DIAPH3: variants seen among roughly 807,000 people sequenced by gnomAD.
DIAPH3 encodes the protein protein diaphanous homolog 3.
In DIAPH3, 117 loss-of-function variants were observed where a neutral mutation model predicts 144.3. That is an observed-to-expected ratio of 0.81 (90% CI 0.70 to 0.95). DIAPH3 has a LOEUF of 0.95. Among genes scored for constraint, DIAPH3 ranks in the 40% least tolerant of loss-of-function variants. DIAPH3 has a pLI of 0.00. For missense variants in DIAPH3, 1,421 were observed against 1,412.7 expected (o/e 1.01, Z -0.09); for synonymous variants, 519 against 488.9 (o/e 1.06, Z -0.81).
chr13:59,948,904 GGA>G (rs1472459658), intron 17 of DIAPH3, among the ~76,000 whole-genome samples: 4 of 137,636 alleles, frequency 2.9e-5, no homozygotes, highest in Non-Finnish European at 6.3e-5. Flanking sequence ...AAGGAAGGAA[GGA>G]AACTTCAACA....
chr13:60,147,499 T>C (rs1386162237), intron 1 of DIAPH3, among the ~76,000 whole-genome samples: 2 of 152,176 alleles, frequency 1.3e-5, no homozygotes, highest in Non-Finnish European at 2.9e-5. Context: ...ATTAGTGCTA[T>C]AACTGACACT....
intron 27 of DIAPH3, among the ~76,000 whole-genome samples, chr13:59,766,179 C>T (rs922808477): frequency 6.6e-6 from 1 of 152,196 alleles, no homozygotes; most frequent in African/African-American, 2.4e-5. Flanking sequence ...GTGGTGATTA[C>T]TTTTTAGAAC....
intron 14 of DIAPH3, among the ~76,000 whole-genome samples, chr13:59,979,331 A>C (rs2050853586): frequency 6.6e-6 from 1 of 151,668 alleles, no homozygotes; most frequent in South Asian, 2.1e-4. Flanking sequence ...CAAATCAAGT[A>C]CTTGAAAGTC....
rs780178528 is a variant in DIAPH3 at position 59,983,729 on chromosome 13, G to C, written c.1480+40C>G. The stretch of plus-strand genomic sequence containing the variant: ...GCCCTAGAGCTCATTCATAGAATAA[G>C]AGACAATAAGATATTTCTATTTAAA... On this transcript the variant is annotated intron_variant, in intron 13 of 27. Coordinates refer to ENST00000400324, the MANE Select transcript of DIAPH3 (RefSeq NM_001042517.2). 3.0e-6 allele frequency: 4 copies of C among 1,349,184 alleles called. No individual in the cohort carries two copies. The African/African-American group carries it at 5.8e-5, about 20-fold the overall frequency. The allele number at this position is 1,349,184 out of a possible 1,614,324, so 83.6% of individuals were successfully genotyped here. A position where few individuals can be genotyped will look rare whatever the true frequency, so the allele number is the denominator to read the frequency against.
intron 21 of DIAPH3, among the ~76,000 whole-genome samples, chr13:59,877,607 G>A (rs918552607): frequency 2.0e-5 from 3 of 152,232 alleles, no homozygotes; most frequent in South Asian, 2.1e-4. Context: ...GTACTAAACA[G>A]TGCAGCTTAA....
At chr13:59,942,579 G>A (rs2048589422) in intron 17 of DIAPH3, among the ~76,000 whole-genome samples, 1 of 152,030 alleles carries the variant, frequency 6.6e-6, no homozygotes, top group Non-Finnish European at 1.5e-5. Flanking sequence ...TTTTTAAAAA[G>A]TAAAGTTTCC....
At chr13:59,933,837 TATTTTCA>T (rs1049197000) in intron 17 of DIAPH3, among the ~76,000 whole-genome samples, 1 of 152,222 alleles carries the variant, frequency 6.6e-6, no homozygotes, top group African/African-American at 2.4e-5. Flanking sequence ...ATTCTTTTTC[TATTTTCA>T]AAGTTTCAAA....
At chr13:60,163,500 G>A in intron 1 of DIAPH3, 87 bp downstream of exon 1, 8 of 1,551,030 alleles carry the variant, frequency 5.2e-6, no homozygotes, top group Non-Finnish European at 7.0e-6. Flanking sequence ...ATAAAACTTG[G>A]TCCCCAAGTT....
chr13:60,101,412 A>C (rs933374391), intron 3 of DIAPH3, among the ~76,000 whole-genome samples: 3 of 152,094 alleles, frequency 2.0e-5, no homozygotes, highest in African/African-American at 7.2e-5. Flanking sequence ...TATCACCCAC[A>C]ATGGCCCTAA....
rs1250997430 is a variant in DIAPH3, at chr13:59,902,357, G to A, written c.2367+9378C>T. Among the ~76,000 whole-genome samples the A allele has an allele frequency of 4.6e-5, 7 of 152,220 alleles. No individual in the cohort carries two copies. The East Asian group carries it at 1.4e-3, about 29-fold the overall frequency. ...CCCACCTTACTCCTTCTCTGGCCAT[G>A]TAAGACGTGCCTGTTTCCCCTACAC... On this transcript the variant is annotated intron_variant, in intron 20 of 27. Transcript: ENST00000400324.
intron 17 of DIAPH3, among the ~76,000 whole-genome samples, chr13:59,942,272 C>T (rs931177302): frequency 2.0e-5 from 3 of 152,042 alleles, no homozygotes; most frequent in African/African-American, 7.2e-5. Flanking sequence ...ATGTAATATA[C>T]TTGACAAAAA....
At chr13:60,083,896 TATGGATGGACAGATGGATGGATGG>T (rs926986088) in intron 4 of DIAPH3, among the ~76,000 whole-genome samples, 12 of 147,572 alleles carry the variant, frequency 8.1e-5, no homozygotes, top group African/African-American at 2.5e-4. Context: ...AGCAAGACCC[TATGGATGGACAGATGGATGGATGG>T]ATGGATGGAT....
At chr13:59,909,047 A>G (rs1273548400) in intron 20 of DIAPH3, among the ~76,000 whole-genome samples, 1 of 152,184 alleles carries the variant, frequency 6.6e-6, no homozygotes. Context: ...TAAGGCAAGG[A>G]TGTCTTGTAG....
chr13:59,877,072 A>G (rs1380934490), intron 21 of DIAPH3, among the ~76,000 whole-genome samples: 2 of 152,070 alleles, frequency 1.3e-5, no homozygotes, highest in Admixed American at 6.6e-5. Context: ...TCATCTCAAA[A>G]CACAGTGATA....
chr13:60,050,417 C>T (rs891424226), intron 4 of DIAPH3, among the ~76,000 whole-genome samples: 5 of 152,154 alleles, frequency 3.3e-5, no homozygotes, highest in African/African-American at 4.8e-5. Flanking sequence ...GGCAGGGCTC[C>T]GATCCTCTAG....
chr13:59,917,287 G>C (rs887448348), intron 18 of DIAPH3, among the ~76,000 whole-genome samples: 36 of 152,116 alleles, frequency 2.4e-4, no homozygotes, highest in African/African-American at 8.7e-4. Context: ...AGGAACTTGA[G>C]CATCTGTGGA....
intron 4 of DIAPH3, among the ~76,000 whole-genome samples, chr13:60,057,453 GA>G (rs986444026): frequency 2.0e-5 from 3 of 151,898 alleles, no homozygotes; most frequent in African/African-American, 7.2e-5. Context: ...TCAATATCAT[GA>G]AAATGACCAT....
At chr13:60,111,496 C>A (rs886860207) in intron 3 of DIAPH3, among the ~76,000 whole-genome samples, 6 of 152,176 alleles carry the variant, frequency 3.9e-5, no homozygotes, top group Non-Finnish European at 8.8e-5. Flanking sequence ...GAGTGGCAGG[C>A]CAGCCAGCAT....
chr13:59,881,045 T>C (rs554542942), intron 20 of DIAPH3, among the ~76,000 whole-genome samples: 21 of 151,062 alleles, frequency 1.4e-4, no homozygotes, highest in African/African-American at 4.4e-4. Flanking sequence ...TTAAGCGATA[T>C]GAAATTATAA....
Sources: allele counts gnomAD v4.1 joint callset (sites outside exome capture counted in the v4.1 genomes callset), GRCh38; gene constraint gnomAD v4.1.1; transcripts MANE v1.5; gene names NCBI Gene and HGNC (gene_info 2026-07-23, HGNC 2026-07-21).